The following NRG1 variants were observed in gnomAD, a reference collection of about 807,000 sequenced individuals.
NRG1 encodes the protein neuregulin 1.
In NRG1, 18 loss-of-function variants were observed where a neutral mutation model predicts 63.8. The observed-to-expected ratio is 0.28, with a 90% CI of 0.19 to 0.42. NRG1 has a LOEUF of 0.42. Ranked by LOEUF, NRG1 falls within the 10% of genes least tolerant of loss-of-function variation. NRG1 has a pLI of 1.00. For missense variants in NRG1, 762 were observed against 814.7 expected (o/e 0.94, Z 0.79); for synonymous variants, 302 against 301.3 (o/e 1.00, Z -0.02).
intron 5 of NRG1, among the ~76,000 whole-genome samples, chr8:32,703,244 G>A (rs1310515362): frequency 6.6e-6 from 1 of 152,044 alleles, no homozygotes; most frequent in African/African-American, 2.4e-5. Flanking sequence ...TTTATTAGGG[G>A]CTGAATACCA....
At chr8:32,521,457 T>C (rs1394243214) in intron 1 of NRG1, among the ~76,000 whole-genome samples, 1 of 152,060 alleles carries the variant, frequency 6.6e-6, no homozygotes, top group Non-Finnish European at 1.5e-5. Flanking sequence ...AGTCATGGAG[T>C]GCTGGTTTAA....
chr8:32,001,355 T>A (rs1427024169), intron 1 of NRG1, among the ~76,000 whole-genome samples: 1 of 151,946 alleles, frequency 6.6e-6, no homozygotes, highest in Non-Finnish European at 1.5e-5. Flanking sequence ...CTGCACATGC[T>A]CTCTTGCCTG....
chr8:32,698,876 C>A (rs1814081982), intron 5 of NRG1, among the ~76,000 whole-genome samples: 1 of 152,160 alleles, frequency 6.6e-6, no homozygotes, highest in Non-Finnish European at 1.5e-5. Flanking sequence ...GGAGCGATTT[C>A]CAGAAGCTAT....
chr8:31,792,404 C>T (rs1314280313), intron 1 of NRG1, among the ~76,000 whole-genome samples: 1 of 152,096 alleles, frequency 6.6e-6, no homozygotes, highest in Non-Finnish European at 1.5e-5. Flanking sequence ...TGTTTAATGG[C>T]ACATGGCCAA....
intron 1 of NRG1, among the ~76,000 whole-genome samples, chr8:32,104,057 A>T (rs1379253921): frequency 6.6e-6 from 1 of 152,184 alleles, no homozygotes; most frequent in Admixed American, 6.5e-5. Context: ...AACGACAGGG[A>T]TACTTTGATA....
chr8:32,513,975 C>A (rs1026254288), intron 1 of NRG1, among the ~76,000 whole-genome samples: 2 of 152,076 alleles, frequency 1.3e-5, no homozygotes, highest in African/African-American at 4.8e-5. Context: ...CCAATTATGA[C>A]TTGAAGATGT....
intron 1 of NRG1, among the ~76,000 whole-genome samples, chr8:31,828,140 A>G (rs919546476): frequency 2.6e-5 from 4 of 152,364 alleles, no homozygotes; most frequent in Middle Eastern, 3.4e-3. Flanking sequence ...TGAAAGACTC[A>G]TGCAGGTATT....
At chr8:32,739,608 T>C (rs1025211532) in intron 6 of NRG1, among the ~76,000 whole-genome samples, 1 of 152,140 alleles carries the variant, frequency 6.6e-6, no homozygotes, top group African/African-American at 2.4e-5. Flanking sequence ...GTTAGAAAAT[T>C]GATTGGGTAG....
chr8:32,458,147 A>C (rs932036808), intron 1 of NRG1, among the ~76,000 whole-genome samples: 1 of 151,954 alleles, frequency 6.6e-6, no homozygotes, highest in African/African-American at 2.4e-5. Flanking sequence ...CGATCTCTTG[A>C]CTTCGTGATC....
chr8:32,212,929 A>G (rs28812826), intron 1 of NRG1, among the ~76,000 whole-genome samples: 3,247 of 152,292 alleles, frequency 0.021, 123 homozygotes, highest in African/African-American at 0.075. Flanking sequence ...GAGACTTCAT[A>G]TTCTAAATTC....
intron 1 of NRG1, among the ~76,000 whole-genome samples, chr8:31,665,284 G>A (rs749483743): frequency 1.6e-4 from 25 of 152,262 alleles, no homozygotes; most frequent in Non-Finnish European, 2.4e-4. Flanking sequence ...TCAGACTTAA[G>A]CCCTCTGGCT....
At chr8:31,686,054 T>A (rs897393205) in intron 1 of NRG1, among the ~76,000 whole-genome samples, 3 of 152,164 alleles carry the variant, frequency 2.0e-5, no homozygotes, top group Admixed American at 2.0e-4. Flanking sequence ...TACTTGATGG[T>A]AACTATATTT....
chr8:32,135,653 ATTTTT>A (rs1650530796), intron 1 of NRG1, among the ~76,000 whole-genome samples: 1 of 152,004 alleles, frequency 6.6e-6, no homozygotes, highest in Non-Finnish European at 1.5e-5. Context: ...CCATGTTTAC[ATTTTT>A]TTGAGATATC....
chr8:31,959,552 C>G (rs1004257918), intron 1 of NRG1, among the ~76,000 whole-genome samples: 1 of 152,052 alleles, frequency 6.6e-6, no homozygotes, highest in African/African-American at 2.4e-5. Flanking sequence ...CTCCTGGCCC[C>G]GTCTTGATGG....
chr8:32,502,506 G>A (rs1301557687), intron 1 of NRG1, among the ~76,000 whole-genome samples: 1 of 98,070 alleles, frequency 1.0e-5, no homozygotes, highest in Non-Finnish European at 2.1e-5. Flanking sequence ...GTCCTAGCCA[G>A]CGTGGCCACA....
intron 1 of NRG1, among the ~76,000 whole-genome samples, chr8:32,041,710 TG>T (rs1820075258): frequency 6.6e-6 from 1 of 152,196 alleles, no homozygotes; most frequent in African/African-American, 2.4e-5. Flanking sequence ...GCCTCCAACA[TG>T]GGTACAGTCA....
At chr8:32,361,222 C>A (rs2129481314) in intron 1 of NRG1, among the ~76,000 whole-genome samples, 1 of 152,220 alleles carries the variant, frequency 6.6e-6, no homozygotes, top group South Asian at 2.1e-4. Flanking sequence ...TGTAGAGACA[C>A]ACCCTGAACA....
intron 1 of NRG1, among the ~76,000 whole-genome samples, chr8:31,999,540 A>G (rs547226302): frequency 6.6e-5 from 10 of 152,096 alleles, no homozygotes; most frequent in African/African-American, 2.4e-4. Flanking sequence ...TTTAGACAGG[A>G]GGGATTGTGG....
chr8:32,731,931 A>G (rs993176971), intron 6 of NRG1, among the ~76,000 whole-genome samples: 3 of 152,240 alleles, frequency 2.0e-5, no homozygotes, highest in East Asian at 1.9e-4. Context: ...CACCACAAGC[A>G]TGGAAGTTTC....
Sources: allele counts gnomAD v4.1 joint callset (sites outside exome capture counted in the v4.1 genomes callset), GRCh38; gene constraint gnomAD v4.1.1; transcripts MANE v1.5; gene names NCBI Gene and HGNC (gene_info 2026-07-23, HGNC 2026-07-21).